UBE4B: variants seen among roughly 807,000 people sequenced by gnomAD.
UBE4B encodes ubiquitination factor E4B.
UBE4B carries 27 observed loss-of-function variants against 148.1 expected under a neutral mutation model. The ratio of observed to expected loss-of-function variants is 0.18; its 90% CI spans 0.13 to 0.25. The LOEUF (loss-of-function observed/expected upper bound fraction) is 0.25. UBE4B is among the 10% of genes least tolerant of loss of function. UBE4B has a pLI of 1.00. For synonymous variants in UBE4B, 596 were observed against 619.3 expected, an observed-to-expected ratio of 0.96 and a Z score of 0.56; for missense variants, 1,170 against 1,662.4, an observed-to-expected ratio of 0.70 and a Z score of 5.15.
chr1:10,071,053 C>T (rs376915900), intron 1 of UBE4B, among the ~76,000 whole-genome samples: 10 of 151,942 alleles, frequency 6.6e-5, no homozygotes, highest in African/African-American at 1.5e-4. Context: ...ATTACAGGCA[C>T]GCATCACCAC....
intron 1 of UBE4B, among the ~76,000 whole-genome samples, chr1:10,044,726 C>T (rs958982241): frequency 2.6e-5 from 4 of 151,282 alleles, no homozygotes; most frequent in Admixed American, 6.6e-5. Flanking sequence ...GGACCATAGG[C>T]GCACGCCATC....
chr1:10,171,795 C>T (rs933589762), intron 25 of UBE4B, among the ~76,000 whole-genome samples: 11 of 152,082 alleles, frequency 7.2e-5, no homozygotes, highest in Admixed American at 5.2e-4. Flanking sequence ...GCAGGAGAAT[C>T]GCTTGAACCC....
intron 26 of UBE4B, chr1:10,179,197 TC>T (rs1557623129): frequency 2.3e-5 from 13 of 570,442 alleles, no homozygotes; most frequent in South Asian, 5.5e-5. Context: ...CTCTGTTCCC[TC>T]CCCCCAGCAG....
intron 18 of UBE4B, 79 bp from the exon 19 acceptor site, chr1:10,146,884 G>T (rs2101978097): frequency 6.5e-7 from 1 of 1,544,498 alleles, no homozygotes; most frequent in East Asian, 2.3e-5. Flanking sequence ...CCATCTCCTG[G>T]CCCCAGTCCC....
intron 22 of UBE4B, among the ~76,000 whole-genome samples, chr1:10,160,082 G>A (rs375807354): frequency 2.6e-4 from 39 of 152,220 alleles, no homozygotes; most frequent in African/African-American, 8.9e-4. Context: ...ACCCTGAAGT[G>A]TAGCTTCTTT....
At chr1:10,125,987 TG>T (rs1229145924) in intron 10 of UBE4B, among the ~76,000 whole-genome samples, 1 of 152,134 alleles carries the variant, frequency 6.6e-6, no homozygotes, top group Admixed American at 6.5e-5. Flanking sequence ...TCAAAATAAA[TG>T]GGGAAAAGCT....
Position 10,126,305 on chromosome 1 carries a change from AGAT to A in UBE4B, c.1555-488_1555-486del, listed in dbSNP as rs1403096788. On this transcript the variant is annotated intron_variant, in intron 10 of 27. Coordinates refer to ENST00000343090, the MANE Select transcript of UBE4B (RefSeq NM_001105562.3). The stretch of plus-strand genomic sequence containing the variant: ...ACAGAGCGAGACTCCGTCTCAATAT[AGAT>A]AGATAGATAGATAGATAGATAGATA... 6.2e-5 allele frequency among the ~76,000 whole-genome samples: 4 copies of A among 64,434 alleles called. No individual in the cohort carries two copies. The Admixed American group carries it at 6.4e-4, about 10-fold the overall frequency. The allele number at this position is 64,434 out of a possible 152,430, so 42.3% of individuals were successfully genotyped here.
At chr1:10,174,071 C>T (rs113414772) in intron 25 of UBE4B, among the ~76,000 whole-genome samples, 5,036 of 152,214 alleles carry the variant, frequency 0.033, 262 homozygotes, top group African/African-American at 0.11. Context: ...CACACATGTG[C>T]CAGTGACACA....
chr1:10,177,258 GC>G (rs1467886192), intron 25 of UBE4B, among the ~76,000 whole-genome samples: 3 of 151,126 alleles, frequency 2.0e-5, no homozygotes, highest in African/African-American at 7.3e-5. Flanking sequence ...AGTGGCTCAC[GC>G]CTGTAATCCC....
chr1:10,050,862 G>A (rs1325565874), intron 1 of UBE4B, among the ~76,000 whole-genome samples: 2 of 151,966 alleles, frequency 1.3e-5, no homozygotes, highest in Admixed American at 1.3e-4. Context: ...CACCACAACC[G>A]GCCTGCCTCC....
At chr1:10,104,676 CTTA>C (rs368633240) in intron 5 of UBE4B, among the ~76,000 whole-genome samples, 2 of 152,260 alleles carry the variant, frequency 1.3e-5, no homozygotes, top group African/African-American at 4.8e-5. Flanking sequence ...ACTTGTTATT[CTTA>C]TTATAAATCT....
chr1:10,139,584 TAA>T (rs1645753720), intron 17 of UBE4B, among the ~76,000 whole-genome samples: 1 of 152,220 alleles, frequency 6.6e-6, no homozygotes, highest in Admixed American at 6.5e-5. Context: ...TTAATATATA[TAA>T]GACTATTTAG....
chr1:10,051,343 G>A (rs567563416), intron 1 of UBE4B, among the ~76,000 whole-genome samples: 1 of 152,200 alleles, frequency 6.6e-6, no homozygotes, highest in East Asian at 1.9e-4. Flanking sequence ...TGACCTGGCC[G>A]AGTGGATTCT....
intron 2 of UBE4B, among the ~76,000 whole-genome samples, chr1:10,090,958 A>G (rs534749788): frequency 5.1e-4 from 77 of 152,260 alleles, no homozygotes; most frequent in Non-Finnish European, 1.1e-3. Flanking sequence ...TGAAATTTTT[A>G]TGTCCTTTGA....
chr1:10,178,976 A>G (rs1224344781), intron 26 of UBE4B, 158 bp downstream of exon 26: 2 of 755,172 alleles, frequency 2.6e-6, no homozygotes, highest in African/African-American at 3.6e-5. Flanking sequence ...TTTTTAGCTC[A>G]TATTGTAAAT....
chr1:10,149,280 A>G lies in UBE4B; in HGVS notation c.2688A>G (p.Val896=), dbSNP rs1312859591. Residue 896 remains valine (V), a splice_region_variant and synonymous_variant, in exon 20 of 28, where the codon GTA becomes GTG. Coordinates refer to ENST00000343090, the MANE Select transcript of UBE4B (RefSeq NM_001105562.3). The stretch of plus-strand genomic sequence containing the variant: ...TTGCAGAATTTTTATTTTTTATTGT[A>G]CAGTAAGTGCCTTTAATATTTTACA... The part of the protein sequence containing the change: ...EDVAEFLFFI[V]QYSPQALYEP... 19 of 1,599,560 alleles carry G rather than the reference A, an allele frequency of 1.2e-5. No homozygotes were observed. The highest frequency in any genetic ancestry group is 1.5e-5 in the Non-Finnish European group (18 of 1,172,830).
chr1:10,053,985 C>T (rs1202834553), intron 1 of UBE4B, among the ~76,000 whole-genome samples: 7 of 152,142 alleles, frequency 4.6e-5, no homozygotes, highest in African/African-American at 9.7e-5. Context: ...CCATGTCCAT[C>T]TGATATTGAA....
At chr1:10,047,312 C>T (rs1643932149) in intron 1 of UBE4B, among the ~76,000 whole-genome samples, 1 of 152,050 alleles carries the variant, frequency 6.6e-6, no homozygotes, top group East Asian at 1.9e-4. Flanking sequence ...AACTCCATGC[C>T]TGCTAGGGGG....
At chr1:10,149,327 C>G (rs766124861) in intron 20 of UBE4B, 45 bp downstream of exon 20, 1 of 1,430,786 alleles carries the variant, frequency 7.0e-7, no homozygotes, top group South Asian at 1.3e-5. Flanking sequence ...TGTTTTTATG[C>G]ATAATAGTAT....
Sources: allele counts gnomAD v4.1 joint callset (sites outside exome capture counted in the v4.1 genomes callset), GRCh38; gene constraint gnomAD v4.1.1; transcripts MANE v1.5; gene names NCBI Gene and HGNC (gene_info 2026-07-23, HGNC 2026-07-21).